Variants in ATP9B observed in about 807,000 individuals in gnomAD.
ATP9B encodes the protein ATPase phospholipid transporting 9B, also known as probable phospholipid-transporting ATPase IIB.
ATP9B carries 110 observed loss-of-function variants against 146.1 expected under a neutral mutation model. The ratio of observed to expected loss-of-function variants is 0.75; its 90% CI spans 0.65 to 0.88. The LOEUF (loss-of-function observed/expected upper bound fraction) is 0.88. Among genes scored for constraint, ATP9B ranks in the 40% least tolerant of loss-of-function variants. The pLI is 0.00. For synonymous variants in ATP9B, 604 were observed against 569.7 expected, an observed-to-expected ratio of 1.06 and a Z score of -0.86; for missense variants, 1,499 against 1,496.4, an observed-to-expected ratio of 1.00 and a Z score of -0.03.
intron 7 of ATP9B, among the ~76,000 whole-genome samples, chr18:79,161,244 A>G (rs965641856): frequency 4.6e-5 from 7 of 152,212 alleles, no homozygotes; most frequent in Admixed American, 4.6e-4. Context: ...GTTTTAAAAC[A>G]TTTCTCTCTA....
intron 2 of ATP9B, among the ~76,000 whole-genome samples, chr18:79,107,447 T>C (rs1454135116): frequency 6.6e-6 from 1 of 152,054 alleles, no homozygotes; most frequent in African/African-American, 2.4e-5. Context: ...CAAGCTACTG[T>C]TGGGAGGAGG....
intron 6 of ATP9B, among the ~76,000 whole-genome samples, chr18:79,152,745 G>A (rs1324295537): frequency 1.3e-5 from 2 of 152,084 alleles, no homozygotes; most frequent in African/African-American, 4.8e-5. Context: ...GTCAGGTGTC[G>A]TCTCCCATCA....
intron 6 of ATP9B, chr18:79,144,241 C>G (rs2094549412): frequency 6.4e-6 from 1 of 156,514 alleles, no homozygotes. Flanking sequence ...TTCCAGGACC[C>G]CACCAAGGAT....
At chr18:79,235,369 G>T (rs2095831724) in intron 11 of ATP9B, among the ~76,000 whole-genome samples, 2 of 152,142 alleles carry the variant, frequency 1.3e-5, no homozygotes, top group Admixed American at 1.3e-4. Context: ...CTCCCATTCA[G>T]CTGTGAAGCT....
At chr18:79,316,907 A>G (rs2096683594) in intron 15 of ATP9B, among the ~76,000 whole-genome samples, 1 of 152,262 alleles carries the variant, frequency 6.6e-6, no homozygotes, top group Non-Finnish European at 1.5e-5. Context: ...GCGAATGTAA[A>G]CTAAGTTCAC....
intron 8 of ATP9B, among the ~76,000 whole-genome samples, chr18:79,181,500 A>G (rs1374187552): frequency 6.6e-6 from 1 of 152,144 alleles, no homozygotes; most frequent in Non-Finnish European, 1.5e-5. Context: ...TAGTCTAACT[A>G]CTCATATTAA....
intron 7 of ATP9B, among the ~76,000 whole-genome samples, chr18:79,164,452 A>G (rs2094933317): frequency 6.6e-6 from 1 of 152,206 alleles, no homozygotes; most frequent in African/African-American, 2.4e-5. Context: ...ATGGTGGCTC[A>G]TGCCTGTAAT....
chr18:79,069,991 T>C (rs1372851115), intron 1 of ATP9B, among the ~76,000 whole-genome samples: 2 of 152,264 alleles, frequency 1.3e-5, no homozygotes, highest in African/African-American at 4.8e-5. Flanking sequence ...TCGATATCTT[T>C]GCTAGGCACA....
At chr18:79,330,150 G>A in intron 17 of ATP9B, 46 bp downstream of exon 17, 1 of 1,545,242 alleles carries the variant, frequency 6.5e-7, no homozygotes, top group Non-Finnish European at 8.9e-7. Flanking sequence ...CTATGGAAGA[G>A]GAGGTATGTG....
At chr18:79,373,774 C>A in intron 27 of ATP9B, 124 bp from the exon 28 acceptor site, 1 of 952,610 alleles carries the variant, frequency 1.0e-6, no homozygotes, top group Non-Finnish European at 1.6e-6. Context: ...CAGACATGAG[C>A]TGCTGCGCCT....
chr18:79,333,696 AC>A (rs1157980703), intron 17 of ATP9B, among the ~76,000 whole-genome samples: 1 of 151,556 alleles, frequency 6.6e-6, no homozygotes, highest in African/African-American at 2.4e-5. Flanking sequence ...CCTCTAAAAG[AC>A]CTCTCCTCTC....
intron 13 of ATP9B, among the ~76,000 whole-genome samples, chr18:79,300,181 G>C (rs1192243999): frequency 6.6e-6 from 1 of 152,220 alleles, no homozygotes; most frequent in African/African-American, 2.4e-5. Flanking sequence ...CAGGAGGGGG[G>C]CACTCCATGT....
intron 9 of ATP9B, among the ~76,000 whole-genome samples, chr18:79,205,888 C>T (rs1327481596): frequency 1.3e-5 from 2 of 151,834 alleles, no homozygotes; most frequent in East Asian, 1.9e-4. Context: ...TAGTTAGCAT[C>T]ATATAACGTA....
At chr18:79,123,594 C>T (rs920111910) in intron 4 of ATP9B, among the ~76,000 whole-genome samples, 2 of 151,462 alleles carry the variant, frequency 1.3e-5, no homozygotes, top group African/African-American at 2.4e-5. Flanking sequence ...TATGAAAATG[C>T]AAAGGGCTCA....
At chr18:79,323,577 G>A (rs1312107720) in intron 15 of ATP9B, among the ~76,000 whole-genome samples, 7 of 152,080 alleles carry the variant, frequency 4.6e-5, no homozygotes, top group South Asian at 2.1e-4. Flanking sequence ...TTCTGTGCCC[G>A]GCTGATTTCA....
chr18:79,256,286 T>TATATATACACACACAC lies in ATP9B; in HGVS notation c.1268+2746_1268+2747insTATATACACACACACA, dbSNP rs398033647. On this transcript the variant is annotated intron_variant, in intron 12 of 29. Coordinates refer to ENST00000426216, the MANE Select transcript of ATP9B (RefSeq NM_198531.5). ...ATATATATATATATATATATATATATACATACATAGTGAGGCTATGTTATT... is the reference window on the plus strand; with the variant it reads ...ATATATATATATATATATATATATATATATATACACACACACACATACATAGTGAGGCTATGTTATT... Among the ~76,000 whole-genome samples the TATATATACACACACAC allele has an allele frequency of 1.2e-4, 15 of 123,046 alleles. 1 individual carries two copies. Among genetic ancestry groups the TATATATACACACACAC allele is most frequent in the Non-Finnish European group, 1.5e-4 (9 of 58,404 alleles). 80.7% of individuals were successfully genotyped at this position (123,046 alleles called of 152,430 possible).
At chr18:79,085,483 C>T (rs1261627917) in intron 1 of ATP9B, 1 of 152,184 alleles carries the variant, frequency 6.6e-6, no homozygotes, top group African/African-American at 2.4e-5. Context: ...CACATAGTAG[C>T]TCATAGTTCA....
intron 5 of ATP9B, among the ~76,000 whole-genome samples, chr18:79,139,635 A>G (rs2147360349): frequency 6.6e-6 from 1 of 152,326 alleles, no homozygotes; most frequent in Non-Finnish European, 1.5e-5. Context: ...CATCAGGGTA[A>G]ATGGGGTATC....
chr18:79,185,654 T>C (rs1275775598), intron 8 of ATP9B, among the ~76,000 whole-genome samples: 1 of 152,242 alleles, frequency 6.6e-6, no homozygotes, highest in Non-Finnish European at 1.5e-5. Context: ...TATAGATCTT[T>C]TTTCTATAGA....
Sources: gnomAD v4.1 joint callset for allele counts (sites outside exome capture counted in the v4.1 genomes callset) on GRCh38, gnomAD v4.1.1 for gene constraint, MANE v1.5 for transcripts, NCBI Gene and HGNC (gene_info 2026-07-23, HGNC 2026-07-21) for gene names.